EFNA5: variants seen among roughly 807,000 people sequenced by gnomAD.
EFNA5 encodes the protein ephrin-A5.
Under a neutral mutation model 22.9 loss-of-function variants are expected in EFNA5, and 5 were observed. The ratio of observed to expected loss-of-function variants is 0.22; its 90% confidence interval spans 0.11 to 0.46. The LOEUF (loss-of-function observed/expected upper bound fraction) is 0.46. Among genes scored for constraint, EFNA5 ranks in the 20% least tolerant of loss-of-function variants. The probability of loss-of-function intolerance (pLI) is 0.99; values close to 1 mark genes in which losing one functional copy is unlikely to be tolerated. For synonymous variants in EFNA5, 113 were observed against 112.2 expected (o/e 1.01, Z -0.04); for missense variants, 237 against 293.3 (o/e 0.81, Z 1.40).
Position 107,641,045 on chromosome 5 carries a change from T to C in EFNA5, c.125+29444A>G, listed in dbSNP as rs139660467. Among the ~76,000 whole-genome samples the C allele has an allele frequency of 9.8e-3, 1,363 of 138,550 alleles. 12 individuals carry two copies. The highest frequency in any genetic ancestry group is 0.017 in the East Asian group (79 of 4,646). The allele number at this position is 138,550 out of a possible 152,430, so 90.9% of individuals were successfully genotyped here. On this transcript the variant is annotated intron_variant, in intron 1 of 4. Transcript: ENST00000333274. ...ATAGACAGACAGACAGACAGATAGA[T>C]AGATAGAATGTATGGATATGATTAA... is the stretch of plus-strand genomic sequence containing the variant.
intron 1 of EFNA5, among the ~76,000 whole-genome samples, chr5:107,632,320 T>A (rs951443148): frequency 3.3e-5 from 5 of 152,132 alleles, no homozygotes; most frequent in African/African-American, 4.8e-5. Context: ...GTAAATTGCA[T>A]CCATCCACAA....
Position 107,626,855 on chromosome 5 carries a change from G to A in EFNA5, c.125+43634C>T, listed in dbSNP as rs1024919394. Among the ~76,000 whole-genome samples the A allele has an allele frequency of 6.6e-5, 10 of 152,088 alleles. No individual in the cohort carries two copies. The South Asian group carries it at 1.9e-3, about 28-fold the overall frequency. On this transcript the variant is annotated intron_variant, in intron 1 of 4. Transcript: ENST00000333274. ...AGCATTTCTTTGACTTTCACAGTTG[G>A]TGGTGCCCTGAGCAAAAATGAATGG...
intron 2 of EFNA5, among the ~76,000 whole-genome samples, chr5:107,405,792 C>A (rs1396373120): frequency 6.6e-6 from 1 of 151,642 alleles, no homozygotes; most frequent in East Asian, 1.9e-4. Flanking sequence ...CTATGATGAA[C>A]CGCCCCCCAT....
intron 1 of EFNA5, among the ~76,000 whole-genome samples, chr5:107,481,868 A>C (rs992663809): frequency 8.5e-5 from 13 of 152,092 alleles, no homozygotes; most frequent in African/African-American, 3.1e-4. Flanking sequence ...AAAAAAGAAA[A>C]GAAATGGAAA....
intron 4 of EFNA5, among the ~76,000 whole-genome samples, chr5:107,386,379 C>A (rs993446810): frequency 5.3e-5 from 8 of 152,056 alleles, no homozygotes; most frequent in African/African-American, 1.4e-4. Context: ...GGCGACCACT[C>A]CTCTCAGTTA....
At chr5:107,455,115 G>A (rs928621797) in intron 1 of EFNA5, among the ~76,000 whole-genome samples, 2 of 152,102 alleles carry the variant, frequency 1.3e-5, no homozygotes, top group Non-Finnish European at 1.5e-5. Context: ...AAAACCTAAC[G>A]TCTTTTCCAT....
At chr5:107,536,571 A>C (rs1339897589) in intron 1 of EFNA5, among the ~76,000 whole-genome samples, 1 of 152,184 alleles carries the variant, frequency 6.6e-6, no homozygotes, top group East Asian at 1.9e-4. Flanking sequence ...TCTTATTTCT[A>C]AAGGATGGTC....
intron 1 of EFNA5, among the ~76,000 whole-genome samples, chr5:107,667,001 C>T (rs951600845): frequency 6.6e-6 from 1 of 152,012 alleles, no homozygotes; most frequent in East Asian, 1.9e-4. Context: ...AAATTAAGGA[C>T]AAATAGTTAT....
At chr5:107,511,754 TA>T (rs144284461) in intron 1 of EFNA5, among the ~76,000 whole-genome samples, 22,382 of 151,364 alleles carry the variant, frequency 0.15, 1,861 homozygotes, top group Middle Eastern at 0.21. Flanking sequence ...AAAACTATCA[TA>T]AAAAAAATAG....
intron 1 of EFNA5, among the ~76,000 whole-genome samples, chr5:107,456,073 A>T (rs1259158632): frequency 6.6e-6 from 1 of 152,112 alleles, no homozygotes; most frequent in Non-Finnish European, 1.5e-5. Context: ...TTAACTTAGA[A>T]CTCTTAATTG....
At chr5:107,460,685 T>C (rs1441609041) in intron 1 of EFNA5, among the ~76,000 whole-genome samples, 2 of 152,132 alleles carry the variant, frequency 1.3e-5, no homozygotes, top group African/African-American at 2.4e-5. Flanking sequence ...ACTTCTGATA[T>C]CTTAACCAAA....
At chr5:107,583,358 A>G (rs1326225725) in intron 1 of EFNA5, among the ~76,000 whole-genome samples, 3 of 152,246 alleles carry the variant, frequency 2.0e-5, no homozygotes, top group Non-Finnish European at 4.4e-5. Context: ...CTGGAAAAAG[A>G]AAATATGAAA....
intron 1 of EFNA5, among the ~76,000 whole-genome samples, chr5:107,545,354 T>C (rs1044410248): frequency 6.6e-6 from 1 of 152,222 alleles, no homozygotes; most frequent in Admixed American, 6.5e-5. Context: ...AAATTGGTTT[T>C]CTACCAATCT....
rs144506258 is a variant in EFNA5, at chr5:107,459,486, T to C, written c.126-31977A>G. On this transcript the variant is annotated intron_variant, in intron 1 of 4. Coordinates refer to ENST00000333274, the MANE Select transcript of EFNA5 (RefSeq NM_001962.3). The stretch of plus-strand genomic sequence containing the variant: ...CTGAAGATCATTTATCCTATGTTCA[T>C]GTTTTATAGTTGAGTAACTGACACC... Among the ~76,000 whole-genome samples, 566 of 152,144 alleles carry C rather than the reference T, an allele frequency of 3.7e-3. 8 individuals carry two copies. The highest frequency in any genetic ancestry group is 0.017 in the East Asian group (86 of 5,172).
At chr5:107,416,885 A>C (rs1170451423) in intron 2 of EFNA5, among the ~76,000 whole-genome samples, 2 of 152,236 alleles carry the variant, frequency 1.3e-5, no homozygotes, top group Non-Finnish European at 2.9e-5. Flanking sequence ...TCTGAAATCA[A>C]GGTTGAGGAC....
chr5:107,593,825 A>G (rs1003634263), intron 1 of EFNA5, among the ~76,000 whole-genome samples: 3 of 152,132 alleles, frequency 2.0e-5, no homozygotes, highest in African/African-American at 7.2e-5. Context: ...CTCACCCAAG[A>G]TCTCCCACAA....
intron 2 of EFNA5, among the ~76,000 whole-genome samples, chr5:107,403,468 C>T (rs1561371346): frequency 6.6e-6 from 1 of 152,162 alleles, no homozygotes; most frequent in Admixed American, 6.5e-5. Context: ...ATCAGAAAGA[C>T]AGATTTGTGG....
chr5:107,431,145 T>C (rs1303192572), intron 1 of EFNA5, among the ~76,000 whole-genome samples: 1 of 152,226 alleles, frequency 6.6e-6, no homozygotes, highest in South Asian at 2.1e-4. Context: ...AGAATCAATT[T>C]ACACTTTTGT....
chr5:107,575,721 T>C lies in EFNA5; in HGVS notation c.125+94768A>G, dbSNP rs149024578. 2.9e-3 allele frequency among the ~76,000 whole-genome samples: 442 copies of C among 152,212 alleles called. 3 individuals are homozygous for C. The highest frequency in any genetic ancestry group is 8.1e-3 in the South Asian group (39 of 4,822). ...AGGAGTTTACATTCCACTATGAGAA[T>C]TGGGCCACAGAATGAAAAGATTTGG... On this transcript the variant is annotated intron_variant, in intron 1 of 4. Coordinates refer to ENST00000333274, the MANE Select transcript of EFNA5 (RefSeq NM_001962.3).
Sources: gnomAD v4.1 joint callset for allele counts (sites outside exome capture counted in the v4.1 genomes callset) on GRCh38, gnomAD v4.1.1 for gene constraint, MANE v1.5 for transcripts, NCBI Gene and HGNC (gene_info 2026-07-23, HGNC 2026-07-21) for gene names.